CACNA2D1: variants seen among roughly 807,000 people sequenced by gnomAD.
CACNA2D1 encodes the protein voltage-dependent calcium channel subunit alpha-2/delta-1.
A neutral mutation model predicts 171.5 loss-of-function variants in CACNA2D1; 53 were observed. The observed-to-expected ratio is 0.31, with a 90% CI of 0.25 to 0.39. The LOEUF (loss-of-function observed/expected upper bound fraction) is 0.39. Among genes scored for constraint, CACNA2D1 ranks in the 10% least tolerant of loss-of-function variants. CACNA2D1 has a pLI of 1.00. For missense variants in CACNA2D1, 903 were observed against 1,299.8 expected (o/e 0.69, Z 4.69); for synonymous variants, 442 against 443.1 (o/e 1.00, Z 0.03).
chr7:82,397,044 T>C (rs1310807372), intron 1 of CACNA2D1, among the ~76,000 whole-genome samples: 3 of 152,176 alleles, frequency 2.0e-5, no homozygotes, highest in Non-Finnish European at 4.4e-5. Flanking sequence ...TTCTAGGTTT[T>C]TCATAAAAGT....
At chr7:82,212,226 A>T (rs1800631967) in intron 3 of CACNA2D1, among the ~76,000 whole-genome samples, 3 of 152,180 alleles carry the variant, frequency 2.0e-5, no homozygotes, top group Non-Finnish European at 4.4e-5. Flanking sequence ...GGCCCAATAA[A>T]GGTTGCCAGA....
chr7:82,007,518 T>A (rs370865437), intron 16 of CACNA2D1, 161 bp downstream of exon 16: 2 of 578,440 alleles, frequency 3.5e-6, no homozygotes, highest in Non-Finnish European at 6.2e-6. Flanking sequence ...CATTTCCTTT[T>A]TCCCAGGTGG....
intron 4 of CACNA2D1, among the ~76,000 whole-genome samples, chr7:82,155,908 A>G (rs1341190480): frequency 1.3e-5 from 2 of 152,220 alleles, no homozygotes; most frequent in East Asian, 3.8e-4. Flanking sequence ...AATAATACTA[A>G]GAAATATATC....
chr7:82,161,701 A>T (rs1158129660), intron 4 of CACNA2D1, among the ~76,000 whole-genome samples: 2 of 152,098 alleles, frequency 1.3e-5, no homozygotes, highest in African/African-American at 2.4e-5. Flanking sequence ...ATAATAGTTC[A>T]CTTGCGAATG....
intron 3 of CACNA2D1, among the ~76,000 whole-genome samples, chr7:82,220,195 A>C (rs1801594803): frequency 6.6e-6 from 1 of 152,228 alleles, no homozygotes; most frequent in Non-Finnish European, 1.5e-5. Flanking sequence ...AATCAATACA[A>C]AAAATAATCT....
At chr7:82,282,995 A>G (rs925412809) in intron 3 of CACNA2D1, among the ~76,000 whole-genome samples, 6 of 152,134 alleles carry the variant, frequency 3.9e-5, no homozygotes, top group Admixed American at 3.3e-4. Flanking sequence ...TTTTTCAAAT[A>G]TTTTTAACTT....
At chr7:82,316,979 A>T (rs1380936082) in intron 3 of CACNA2D1, among the ~76,000 whole-genome samples, 6 of 152,174 alleles carry the variant, frequency 3.9e-5, no homozygotes, top group Admixed American at 2.0e-4. Context: ...AACCATATCA[A>T]TCTGATTCAG....
chr7:82,345,994 A>C (rs11979136), intron 2 of CACNA2D1, among the ~76,000 whole-genome samples: 2,256 of 152,250 alleles, frequency 0.015, 55 homozygotes, highest in African/African-American at 0.051. Context: ...AAAAGGCTCC[A>C]CTTCTTTGAC....
chr7:82,395,787 A>G (rs1169017223), intron 1 of CACNA2D1, among the ~76,000 whole-genome samples: 2 of 152,174 alleles, frequency 1.3e-5, no homozygotes, highest in East Asian at 1.9e-4. Context: ...CTCAGCCTAT[A>G]TGCTAGAAAT....
intron 11 of CACNA2D1, among the ~76,000 whole-genome samples, chr7:82,035,983 CT>C (rs1803247974): frequency 6.6e-6 from 1 of 152,108 alleles, no homozygotes; most frequent in Non-Finnish European, 1.5e-5. Flanking sequence ...GATTTTCTGT[CT>C]TCTTAATCTA....
At chr7:82,036,620 T>C (rs1343253896) in intron 11 of CACNA2D1, among the ~76,000 whole-genome samples, 1 of 152,216 alleles carries the variant, frequency 6.6e-6, no homozygotes, top group Non-Finnish European at 1.5e-5. Context: ...CTGTGGATGA[T>C]GATTTAGCAC....
At chr7:82,124,585 G>A (rs1303634992) in intron 5 of CACNA2D1, among the ~76,000 whole-genome samples, 1 of 152,138 alleles carries the variant, frequency 6.6e-6, no homozygotes, top group Non-Finnish European at 1.5e-5. Flanking sequence ...TACACAGAGT[G>A]TAAACCAAGT....
At chr7:82,052,748 T>A (rs1004354381) in intron 10 of CACNA2D1, among the ~76,000 whole-genome samples, 1 of 152,202 alleles carries the variant, frequency 6.6e-6, no homozygotes, top group African/African-American at 2.4e-5. Context: ...TAAATATTCC[T>A]GAAGATTTAG....
chr7:82,099,888 T>C (rs769823807), intron 6 of CACNA2D1, among the ~76,000 whole-genome samples: 3 of 152,048 alleles, frequency 2.0e-5, no homozygotes, highest in Non-Finnish European at 4.4e-5. Flanking sequence ...TAAAAAGTAG[T>C]TCTACATGGA....
intron 1 of CACNA2D1, among the ~76,000 whole-genome samples, chr7:82,367,430 C>T: frequency 6.6e-6 from 1 of 152,086 alleles, no homozygotes; most frequent in East Asian, 1.9e-4. Context: ...GGTCAAATGT[C>T]ACCACCTCAC....
chr7:82,211,613 T>G (rs1800563191), intron 3 of CACNA2D1, among the ~76,000 whole-genome samples: 1 of 152,228 alleles, frequency 6.6e-6, no homozygotes, highest in Admixed American at 6.5e-5. Flanking sequence ...CTACTGTTGA[T>G]GGGCACCTAG....
chr7:82,403,299 T>C (rs1826646585), intron 1 of CACNA2D1, among the ~76,000 whole-genome samples: 1 of 152,192 alleles, frequency 6.6e-6, no homozygotes, highest in Non-Finnish European at 1.5e-5. Context: ...TTGAGAATTG[T>C]TAGCAAGTAT....
At chr7:82,263,614 T>C (rs775940386) in intron 3 of CACNA2D1, among the ~76,000 whole-genome samples, 7 of 152,182 alleles carry the variant, frequency 4.6e-5, no homozygotes, top group Non-Finnish European at 1.0e-4. Flanking sequence ...AACAGACTAG[T>C]AACATATTCC....
At chr7:82,103,278 A>G (rs1812906226) in intron 6 of CACNA2D1, among the ~76,000 whole-genome samples, 1 of 152,176 alleles carries the variant, frequency 6.6e-6, no homozygotes, top group South Asian at 2.1e-4. Flanking sequence ...CCTGGGTGAC[A>G]GAACCAGACT....
Sources: allele counts gnomAD v4.1 joint callset (sites outside exome capture counted in the v4.1 genomes callset), GRCh38; gene constraint gnomAD v4.1.1; transcripts MANE v1.5; gene names NCBI Gene and HGNC (gene_info 2026-07-23, HGNC 2026-07-21).